Variants in SVEP1 observed in about 807,000 individuals in gnomAD.
The protein encoded by SVEP1 is sushi, von Willebrand factor type A, EGF and pentraxin domain containing 1.
A neutral mutation model predicts 367.3 loss-of-function variants in SVEP1; 164 were observed. The ratio of observed to expected loss-of-function variants is 0.45; its 90% CI spans 0.39 to 0.51. The LOEUF (loss-of-function observed/expected upper bound fraction) is 0.51. Among genes scored for constraint, SVEP1 ranks in the 20% least tolerant of loss-of-function variants. The pLI, the probability that SVEP1 is intolerant of heterozygous loss-of-function variation, is 0.00. For synonymous variants in SVEP1, 1,666 were observed against 1,611.6 expected (o/e 1.03, Z -0.81); for missense variants, 4,117 against 4,425.3 (o/e 0.93, Z 1.98).
At chr9:110,390,076 T>C (rs555852747) in intron 40 of SVEP1, among the ~76,000 whole-genome samples, 1 of 135,380 alleles carries the variant, frequency 7.4e-6, no homozygotes, top group Admixed American at 7.6e-5. Context: ...TATATATATA[T>C]ACGTGTATAT....
chr9:110,468,491 G>A (rs758449984), intron 17 of SVEP1, among the ~76,000 whole-genome samples: 1 of 152,158 alleles, frequency 6.6e-6, no homozygotes, highest in Non-Finnish European at 1.5e-5. Context: ...TCCTTTAGGA[G>A]ATCATAAAAC....
At chr9:110,563,470 CT>C (rs1458577888) in intron 1 of SVEP1, among the ~76,000 whole-genome samples, 1 of 152,060 alleles carries the variant, frequency 6.6e-6, no homozygotes, top group African/African-American at 2.4e-5. Context: ...TTAGTAAAGA[CT>C]TTTAATGGTT....
Position 110,457,448 on chromosome 9 carries a change from G to A in SVEP1, c.3577-96C>T, listed in dbSNP as rs185649904. On this transcript the variant is annotated intron_variant, in intron 20 of 47. Transcript: ENST00000374469. The stretch of plus-strand genomic sequence containing the variant: ...TCAGGTTTGCAACATTAGACAGCTC[G>A]TTCCTCCTGTTTCCAGGTAAGTTCA... 2,329 of 894,606 alleles carry A rather than the reference G, an allele frequency of 2.6e-3. 7 individuals carry two copies. Among genetic ancestry groups the A allele is most frequent in the Non-Finnish European group, 3.7e-3 (2,087 of 571,602 alleles). 55.4% of individuals were successfully genotyped at this position (894,606 alleles called of 1,614,324 possible).
chr9:110,432,450 C>A lies in SVEP1; in HGVS notation c.5233+12G>T, dbSNP rs1298428010. ...AATAATCTCATATAGTAGTTGCCAACATTTATCTCACCAAGGCAGGATGGT... is the reference window on the plus strand; with the variant it reads ...AATAATCTCATATAGTAGTTGCCAAAATTTATCTCACCAAGGCAGGATGGT... On this transcript the variant is annotated intron_variant, in intron 31 of 47. Coordinates refer to ENST00000374469, the MANE Select transcript of SVEP1 (RefSeq NM_153366.4). 1 of 1,606,534 alleles carries A rather than the reference C, an allele frequency of 6.2e-7. No individual in the cohort carries two copies.
intron 27 of SVEP1, among the ~76,000 whole-genome samples, chr9:110,440,173 G>A (rs1420273169): frequency 1.3e-5 from 2 of 152,148 alleles, no homozygotes; most frequent in Admixed American, 6.5e-5. Context: ...GAGAAAATGT[G>A]CATTTCTTGG....
chr9:110,458,644 G>T (rs1467072907), intron 19 of SVEP1, 82 bp from the exon 20 acceptor site: 5 of 1,361,542 alleles, frequency 3.7e-6, no homozygotes, highest in Admixed American at 4.6e-5. Flanking sequence ...TCAAGATTCT[G>T]GTTGTCAGAG....
chr9:110,416,382 T>C (rs1018382959), intron 36 of SVEP1, among the ~76,000 whole-genome samples: 1 of 151,772 alleles, frequency 6.6e-6, no homozygotes, highest in African/African-American at 2.4e-5. Context: ...TTAAAAACAA[T>C]GGACATATTC....
In SVEP1 at chr9:110,489,733, G is replaced by A. The variant is rs372384647; in HGVS notation, c.1847C>T (p.Pro616Leu). 65 of 1,613,390 alleles carry A rather than the reference G, an allele frequency of 4.0e-5. No individual in the cohort carries two copies. Among genetic ancestry groups the A allele is most frequent in the Non-Finnish European group, 5.3e-5 (62 of 1,179,576 alleles). ...HPAFTPPYLFPIGDVAIVYTA... is the reference protein window; with the variant it reads ...HPAFTPPYLFLIGDVAIVYTA... ...GTATACGATAGCAACATCTCCAATT[G>A]GGAAAAGGTAAGGTGGGGTGAAAGC... The change falls in exon 9 of 48, where the codon CCA (proline) becomes CTA (leucine). Residue 616 changes from proline to leucine, a missense_variant. This residue lies in a region of SVEP1 where 2,174 missense variants were observed against 2,494.3 expected (regional missense o/e 0.87). Coordinates refer to ENST00000374469, the MANE Select transcript of SVEP1 (RefSeq NM_153366.4).
chr9:110,560,033 G>A (rs994421447), intron 1 of SVEP1, among the ~76,000 whole-genome samples: 3 of 152,080 alleles, frequency 2.0e-5, no homozygotes, highest in African/African-American at 7.2e-5. Context: ...ATATAGTCAT[G>A]TATACACTCA....
intron 1 of SVEP1, among the ~76,000 whole-genome samples, chr9:110,560,107 TATA>T (rs1434013946): frequency 6.6e-6 from 1 of 152,140 alleles, no homozygotes; most frequent in Non-Finnish European, 1.5e-5. Context: ...CTCATAAGAT[TATA>T]ATGCCATATT....
chr9:110,448,151 G>A (rs1405360786), intron 24 of SVEP1, among the ~76,000 whole-genome samples: 2 of 60,776 alleles, frequency 3.3e-5, no homozygotes, highest in African/African-American at 6.4e-5. Context: ...GTGTGTGTGC[G>A]CGTGTGTGTG....
At chr9:110,558,226 G>T (rs1359226410) in intron 1 of SVEP1, among the ~76,000 whole-genome samples, 1 of 150,968 alleles carries the variant, frequency 6.6e-6, no homozygotes, top group Admixed American at 6.6e-5. Flanking sequence ...AGAATAATTG[G>T]CCCGGTGCTG....
chr9:110,538,522 G>A (rs1462302542), intron 3 of SVEP1, among the ~76,000 whole-genome samples: 3 of 152,042 alleles, frequency 2.0e-5, no homozygotes, highest in African/African-American at 7.2e-5. Flanking sequence ...TGTGTGCAGG[G>A]TAGGAGTGGA....
intron 37 of SVEP1, among the ~76,000 whole-genome samples, chr9:110,409,442 GAAAA>G (rs963013784): frequency 2.6e-4 from 40 of 151,972 alleles, no homozygotes; most frequent in South Asian, 2.1e-3. Flanking sequence ...AGAAAAGAAA[GAAAA>G]AAAGAAAATC....
rs1309221790 is a variant in SVEP1, at chr9:110,406,993, C to G, written c.8607G>C (p.Arg2869Ser). ...TTCCATTGGCAAGACAAACCCGACT[C>G]CTGGCTCCCTCAAGCAAGAACCCTT... ...CNEGFLLEGA[R>S]SRVCLANGSW... Residue 2869 changes from arginine (R) to serine (S), a missense_variant, in exon 38 of 48, where the codon AGG becomes AGC. By Grantham distance (110) the Arg-to-Ser change is moderately radical. Coordinates refer to ENST00000374469, the MANE Select transcript of SVEP1 (RefSeq NM_153366.4). The G allele has an allele frequency of 6.2e-7, 1 of 1,613,846 alleles. No individual in the cohort carries two copies. Among genetic ancestry groups the G allele is most frequent in the Admixed American group, 1.7e-5 (1 of 60,002 alleles).
intron 44 of SVEP1, among the ~76,000 whole-genome samples, chr9:110,378,172 C>G (rs541025829): frequency 7.2e-5 from 11 of 152,284 alleles, no homozygotes; most frequent in African/African-American, 2.6e-4. Context: ...ATCCATTTAT[C>G]TGTCAACAGA....
intron 3 of SVEP1, among the ~76,000 whole-genome samples, chr9:110,521,354 A>G (rs1829872947): frequency 6.6e-6 from 1 of 152,146 alleles, no homozygotes; most frequent in Non-Finnish European, 1.5e-5. Context: ...TATTTGGACA[A>G]AGTTGTGAAT....
Position 110,413,447 on chromosome 9 carries a change from C to T in SVEP1, c.5976-1712G>A, listed in dbSNP as rs370065995. ...GGGAGATATACCTAATGCTAGATGA[C>T]GAGTTAGTGGGTGCAGTGCACCAGC... On this transcript the variant is annotated intron_variant, in intron 36 of 47. Transcript: ENST00000374469. Among the ~76,000 whole-genome samples, 16 of 148,284 alleles carry T rather than the reference C, an allele frequency of 1.1e-4. No homozygotes were observed. In the East Asian group the frequency reaches 3.2e-3, roughly 30 times the overall value.
At chr9:110,576,010 C>T (rs1830623551) in intron 1 of SVEP1, among the ~76,000 whole-genome samples, 1 of 152,094 alleles carries the variant, frequency 6.6e-6, no homozygotes, top group Non-Finnish European at 1.5e-5. Flanking sequence ...GGTCTGAACC[C>T]CAGGTCCTGA....
Sources: gnomAD v4.1 joint callset for allele counts (sites outside exome capture counted in the v4.1 genomes callset) on GRCh38, gnomAD v4.1.1 for gene constraint, gnomAD v4.1.1 regional missense constraint, MANE v1.5 for transcripts, NCBI Gene and HGNC (gene_info 2026-07-23, HGNC 2026-07-21) for gene names.